The following SASH1 variants were observed in gnomAD, a reference collection of about 807,000 sequenced individuals.
SASH1 encodes SAM and SH3 domain-containing protein 1.
In SASH1, 44 loss-of-function variants were observed where a neutral mutation model predicts 125.2. The observed-to-expected ratio is 0.35, with a 90% CI of 0.28 to 0.45. The LOEUF (loss-of-function observed/expected upper bound fraction) is 0.45, where lower values mean the gene tolerates loss of function less well. SASH1 is among the 20% of genes least tolerant of loss of function. The pLI is 1.00. For synonymous variants in SASH1, 639 were observed against 649.1 expected (o/e 0.98, Z 0.24); for missense variants, 1,426 against 1,614.5 (o/e 0.88, Z 2.00).
intron 1 of SASH1, among the ~76,000 whole-genome samples, chr6:148,307,084 CTTTCTTTCTT>C (rs1780161219): frequency 5.6e-5 from 8 of 142,748 alleles, no homozygotes; most frequent in South Asian, 4.4e-4. Flanking sequence ...TTCTTTCTTT[CTTTCTTTCTT>C]TCTCTCTCTC....
intron 2 of SASH1, among the ~76,000 whole-genome samples, chr6:148,392,284 C>T (rs1783760734): frequency 9.3e-6 from 1 of 107,260 alleles, no homozygotes; most frequent in South Asian, 3.1e-4. Context: ...GAAACTCTGT[C>T]TCAAAAAAAA....
chr6:148,474,305 A>G, intron 7 of SASH1, 83 bp downstream of exon 7: 2 of 745,098 alleles, frequency 2.7e-6, no homozygotes, highest in South Asian at 3.2e-5. Flanking sequence ...CAAGGGGTAT[A>G]GGAATCAGGT....
At chr6:148,241,164 T>A in the SASH1 span, among the ~76,000 whole-genome samples, 1 of 152,228 alleles carries the variant, frequency 6.6e-6, no homozygotes, top group Non-Finnish European at 1.5e-5. Context: ...CAATTTCAAA[T>A]TCTGCTGCCC....
At chr6:148,245,648 C>T in the SASH1 span, among the ~76,000 whole-genome samples, 9 of 152,014 alleles carry the variant, frequency 5.9e-5, no homozygotes, top group Admixed American at 2.0e-4. Flanking sequence ...TGTTTTGGTA[C>T]GGTTTGGTTT....
At chr6:148,225,363 A>G in the SASH1 span, among the ~76,000 whole-genome samples, 166 of 152,360 alleles carry the variant, frequency 1.1e-3, no homozygotes, top group African/African-American at 3.8e-3. Context: ...AAAGTGTGGT[A>G]TATGTACACC....
At chr6:148,441,581 G>C (rs1184122555) in intron 4 of SASH1, among the ~76,000 whole-genome samples, 1 of 152,172 alleles carries the variant, frequency 6.6e-6, no homozygotes. Flanking sequence ...CTTTGAACTT[G>C]GAGGTATTGT....
chr6:148,419,451 T>G (rs1253821321), intron 2 of SASH1, among the ~76,000 whole-genome samples: 1 of 151,520 alleles, frequency 6.6e-6, no homozygotes, highest in Admixed American at 6.6e-5. Flanking sequence ...ATTATGGCTC[T>G]TTAAAAAACA....
intron 1 of SASH1, among the ~76,000 whole-genome samples, chr6:148,316,606 C>G (rs1171093043): frequency 2.6e-5 from 4 of 152,250 alleles, no homozygotes; most frequent in Admixed American, 2.6e-4. Context: ...AGCGCATTAT[C>G]TGGAGTCTCC....
chr6:148,248,042 A>G, the SASH1 span, among the ~76,000 whole-genome samples: 200 of 152,326 alleles, frequency 1.3e-3, no homozygotes, highest in Middle Eastern at 6.8e-3. Flanking sequence ...TCTCAATGCT[A>G]AGCCCTTATT....
At chr6:148,216,888 C>T in the SASH1 span, among the ~76,000 whole-genome samples, 7 of 151,956 alleles carry the variant, frequency 4.6e-5, no homozygotes, top group South Asian at 6.2e-4. Flanking sequence ...TCACCATGCC[C>T]GGCTAATTTT....
At chr6:148,231,944 C>T in the SASH1 span, among the ~76,000 whole-genome samples, 1 of 151,242 alleles carries the variant, frequency 6.6e-6, no homozygotes, top group Non-Finnish European at 1.5e-5. Flanking sequence ...CCTAATTAAT[C>T]GTCCAACCAT....
upstream of SASH1, among the ~76,000 whole-genome samples, chr6:148,271,122 C>G (rs1325647971): frequency 1.3e-5 from 2 of 152,052 alleles, no homozygotes; most frequent in African/African-American, 4.8e-5. Context: ...GTTGGTCAGG[C>G]TGGTCTCGAA....
In SASH1 at chr6:148,503,751, CCTTT is replaced by C. The variant is rs1315965460; in HGVS notation, c.730-10569_730-10566del. On this transcript the variant is annotated intron_variant, in intron 8 of 19. Coordinates refer to ENST00000367467, the MANE Select transcript of SASH1 (RefSeq NM_015278.5). ...GGAGGAGGTAAAGATCAAAGATAAC[CCTTT>C]CTTGTAAAAAAAAAAAAAAGAAACA... Among the ~76,000 whole-genome samples, 7 of 120,228 alleles carry C rather than the reference CCTTT, an allele frequency of 5.8e-5. No homozygotes were observed. The South Asian group carries it at 1.9e-3, about 32-fold the overall frequency. The allele number at this position is 120,228 out of a possible 152,430, so 78.9% of individuals were successfully genotyped here.
intron 2 of SASH1, among the ~76,000 whole-genome samples, chr6:148,390,657 G>A (rs1398482171): frequency 6.6e-6 from 1 of 152,130 alleles, no homozygotes; most frequent in Middle Eastern, 3.4e-3. Context: ...GCGTGGTGAT[G>A]GGTGCCTGTA....
At chr6:148,333,873 A>G (rs1422542376) in intron 1 of SASH1, among the ~76,000 whole-genome samples, 1 of 151,912 alleles carries the variant, frequency 6.6e-6, no homozygotes, top group Non-Finnish European at 1.5e-5. Flanking sequence ...CCCAGGCTGG[A>G]CTGCAGTGGC....
chr6:148,216,995 G>T, the SASH1 span, among the ~76,000 whole-genome samples: 2 of 152,116 alleles, frequency 1.3e-5, 1 homozygote, highest in South Asian at 4.1e-4. Context: ...CCAGAGTGCT[G>T]GGATTATAGG....
At chr6:148,204,933 A>G in the SASH1 span, among the ~76,000 whole-genome samples, 1 of 152,136 alleles carries the variant, frequency 6.6e-6, no homozygotes, top group Non-Finnish European at 1.5e-5. Context: ...TGTTTTTAGT[A>G]ATTAAGACTT....
At chr6:148,540,611 C>T in intron 17 of SASH1, 55 bp downstream of exon 17, 4 of 1,337,746 alleles carry the variant, frequency 3.0e-6, no homozygotes, top group Non-Finnish European at 3.2e-6. Flanking sequence ...GATTTCAAAG[C>T]ACAGTTTTCT....
rs978299805 is a variant in SASH1 at position 148,360,641 on chromosome 6, C to CCG, written c.156+17419_156+17420insGC. ...TGGGATTACAGGCGTGAGCCACCCC[C>CCG]CCGCCAGGCTTTAAAGCCTTTTTAA... On this transcript the variant is annotated intron_variant, in intron 1 of 19. Coordinates refer to ENST00000367467, the MANE Select transcript of SASH1 (RefSeq NM_015278.5). 3.9e-5 allele frequency among the ~76,000 whole-genome samples: 5 copies of CCG among 128,148 alleles called. No individual in the cohort carries two copies. The East Asian group carries it at 8.8e-4, about 23-fold the overall frequency. The allele number at this position is 128,148 out of a possible 152,430, so 84.1% of individuals were successfully genotyped here. A position where few individuals can be genotyped will look rare whatever the true frequency, so the allele number is the denominator to read the frequency against.
Sources: allele counts gnomAD v4.1 joint callset (sites outside exome capture counted in the v4.1 genomes callset), GRCh38; gene constraint gnomAD v4.1.1; transcripts MANE v1.5; gene names NCBI Gene and HGNC (gene_info 2026-07-23, HGNC 2026-07-21).